The following NHS variants were observed in gnomAD, a reference collection of about 807,000 sequenced individuals.
NHS encodes NHS actin remodeling regulator, also known as actin remodeling regulator NHS.
NHS carries 5 observed loss-of-function variants against 72.5 expected under a neutral mutation model. The observed-to-expected ratio is 0.07, with a 90% CI of 0.04 to 0.14. The LOEUF (loss-of-function observed/expected upper bound fraction) is 0.14, where lower values mean the gene tolerates loss of function less well. Among genes scored for constraint, NHS ranks in the 10% least tolerant of loss-of-function variants. The pLI is 1.00. For missense variants in NHS, 1,072 were observed against 1,355.7 expected (o/e 0.79, Z 3.29); for synonymous variants, 464 against 547.7 (o/e 0.85, Z 2.13).
intron 1 of NHS, among the ~76,000 whole-genome samples, chrX:17,608,443 C>T (rs1195776664): frequency 1.8e-5 from 2 of 112,001 alleles, no homozygotes; most frequent in Non-Finnish European, 3.8e-5. Flanking sequence ...GCTCAAAAAT[C>T]GTTTTTGTTC....
At chrX:17,417,289 AAGC>A (rs1214461561) in intron 1 of NHS, among the ~76,000 whole-genome samples, 1 of 112,175 alleles carries the variant, frequency 8.9e-6, no homozygotes, top group Non-Finnish European at 1.9e-5. Flanking sequence ...TGTAAAGAAA[AAGC>A]AGCCATAGAC....
intron 1 of NHS, among the ~76,000 whole-genome samples, chrX:17,551,717 T>G (rs998311348): frequency 1.8e-5 from 2 of 111,330 alleles, no homozygotes; most frequent in Non-Finnish European, 3.8e-5. Flanking sequence ...GAGGGTGGCC[T>G]CTCAGCGTGC....
Position 17,687,743 on chromosome X carries a change from C to T in NHS, c.567C>T (p.Pro189=), listed in dbSNP as rs972522687. The part of the protein sequence containing the change: ...STLDPKQEAV[P]VSNLDIESKL... ...AACGCCCTGTTTCTTGTCTTGCAGC[C>T]GTCTCCAACCTGGACATAGAGAGTA... Residue 189 remains proline, a splice_region_variant and synonymous_variant, in exon 2 of 9, where the codon CCC becomes CCT. Transcript: ENST00000676302. 4.1e-5 allele frequency: 50 copies of T among 1,211,914 alleles called. No homozygotes were observed. The highest frequency in any genetic ancestry group is 5.4e-5 in the Non-Finnish European group (48 of 895,479).
intron 1 of NHS, among the ~76,000 whole-genome samples, chrX:17,459,131 A>G (rs770642300): frequency 1.1e-4 from 12 of 112,965 alleles, no homozygotes; most frequent in African/African-American, 3.9e-4. Flanking sequence ...GCTTGATTGC[A>G]TACATAAATT....
In NHS at chrX:17,725,412, A is replaced by G. The variant is rs1445679380; in HGVS notation, c.1306A>G (p.Asn436Asp). ...TGTGCACACAAACCCAGACCCCTCC[A>G]ACACTGTCAATAGGATATCCGGAAC... The part of the protein sequence containing the change: ...VIVHTNPDPS[N>D]TVNRISGTRD... Residue 436 changes from asparagine to aspartate, a missense_variant, in exon 7 of 9, where the codon AAC (asparagine) becomes GAC (aspartate). By Grantham distance (23) the Asn-to-Asp change is conservative. Coordinates refer to ENST00000676302, the MANE Select transcript of NHS (RefSeq NM_001291867.2). 1 of 1,207,735 alleles carries G rather than the reference A, an allele frequency of 8.3e-7. No individual in the cohort carries two copies. The highest frequency in any genetic ancestry group is 1.1e-6 in the Non-Finnish European group (1 of 893,693).
chrX:17,587,998 C>G (rs1370170383), intron 1 of NHS, among the ~76,000 whole-genome samples: 1 of 111,915 alleles, frequency 8.9e-6, no homozygotes, highest in African/African-American at 3.2e-5. Context: ...AATGGTGGCT[C>G]CAATGATAAA....
At chrX:17,416,608 C>A (rs2064596658) in intron 1 of NHS, among the ~76,000 whole-genome samples, 1 of 112,432 alleles carries the variant, frequency 8.9e-6, no homozygotes, top group Non-Finnish European at 1.9e-5. Flanking sequence ...ACAGTACTTA[C>A]TGCATGGGAC....
chrX:17,689,761 C>T (rs111888285), intron 2 of NHS, among the ~76,000 whole-genome samples: 9,931 of 111,919 alleles, frequency 0.089, 869 homozygotes, highest in African/African-American at 0.27. Flanking sequence ...GGAATCTGAT[C>T]GTTCTCACCA....
intron 1 of NHS, among the ~76,000 whole-genome samples, chrX:17,506,899 A>G (rs1003571518): frequency 8.9e-6 from 1 of 112,038 alleles, no homozygotes; most frequent in African/African-American, 3.2e-5. Flanking sequence ...TTTCAGGTTC[A>G]CTGGCTTCTA....
chrX:17,404,246 G>T (rs1023771234), intron 1 of NHS, among the ~76,000 whole-genome samples: 11 of 111,613 alleles, frequency 9.9e-5, no homozygotes, highest in African/African-American at 3.6e-4. Context: ...GCAGGAAGAG[G>T]GATATAAATT....
chrX:17,491,471 A>G (rs1451946454), intron 1 of NHS, among the ~76,000 whole-genome samples: 1 of 111,661 alleles, frequency 9.0e-6, no homozygotes. Context: ...GGATGAAGCT[A>G]ACTTGATCGT....
chrX:17,377,947 C>CA, intron 1 of NHS, among the ~76,000 whole-genome samples: 1 of 112,304 alleles, frequency 8.9e-6, no homozygotes, highest in Non-Finnish European at 1.9e-5. Context: ...GGGACAGGCC[C>CA]TTCACTTTCA....
intron 1 of NHS, among the ~76,000 whole-genome samples, chrX:17,592,729 G>A (rs2065608833): frequency 8.9e-6 from 1 of 111,813 alleles, no homozygotes; most frequent in Admixed American, 9.5e-5. Flanking sequence ...TGGACCTTAG[G>A]AATGTTATAA....
At chrX:17,550,898 A>AC (rs1219551394) in intron 1 of NHS, among the ~76,000 whole-genome samples, 2 of 110,309 alleles carry the variant, frequency 1.8e-5, no homozygotes, top group Non-Finnish European at 3.8e-5. Flanking sequence ...GCTACCATTC[A>AC]CCCCATCTGC....
At chrX:17,661,348 G>A (rs748134222) in intron 1 of NHS, among the ~76,000 whole-genome samples, 1 of 110,707 alleles carries the variant, frequency 9.0e-6, no homozygotes, top group East Asian at 2.8e-4. Flanking sequence ...GTGGTTTGCT[G>A]CACCCATCAA....
intron 2 of NHS, among the ~76,000 whole-genome samples, chrX:17,690,624 C>T (rs918850214): frequency 8.9e-5 from 10 of 112,117 alleles, no homozygotes; most frequent in Non-Finnish European, 1.9e-4. Context: ...AAAGCAATAA[C>T]GTATGCTGCC....
chrX:17,550,608 C>T (rs1020234308), intron 1 of NHS, among the ~76,000 whole-genome samples: 8 of 111,544 alleles, frequency 7.2e-5, no homozygotes, highest in African/African-American at 2.6e-4. Flanking sequence ...TGCTAGGTAC[C>T]CTGAATGTCT....
intron 1 of NHS, among the ~76,000 whole-genome samples, chrX:17,459,333 A>C (rs2064837952): frequency 9.0e-6 from 1 of 111,715 alleles, no homozygotes; most frequent in Non-Finnish European, 1.9e-5. Flanking sequence ...ATGGTGAGCA[A>C]CTGAGCATGA....
chrX:17,730,468 C>T (rs2066479719), intron 8 of NHS, among the ~76,000 whole-genome samples: 1 of 112,160 alleles, frequency 8.9e-6, no homozygotes, highest in South Asian at 3.7e-4. Context: ...CAGACACTGC[C>T]ATATACAAGA....
Sources: gnomAD v4.1 joint callset for allele counts (sites outside exome capture counted in the v4.1 genomes callset) on GRCh38, gnomAD v4.1.1 for gene constraint, MANE v1.5 for transcripts, NCBI Gene and HGNC (gene_info 2026-07-23, HGNC 2026-07-21) for gene names.